DYSF: variants seen among roughly 807,000 people sequenced by gnomAD.
DYSF encodes the protein dysferlin.
DYSF carries 212 observed loss-of-function variants against 274.9 expected under a neutral mutation model. The ratio of observed to expected loss-of-function variants is 0.77; its 90% CI spans 0.69 to 0.86. The LOEUF (loss-of-function observed/expected upper bound fraction) is 0.86, where lower values mean the gene tolerates loss of function less well. Among genes scored for constraint, DYSF ranks in the 40% least tolerant of loss-of-function variants. The pLI is 0.00. For missense variants in DYSF, 2,666 were observed against 2,783.2 expected, an observed-to-expected ratio of 0.96 and a Z score of 0.95; for synonymous variants, 1,091 against 1,078.7, an observed-to-expected ratio of 1.01 and a Z score of -0.22.
Position 71,520,187 on chromosome 2 carries a change from G to A in DYSF, c.1012G>A (p.Gly338Ser), listed in dbSNP as rs757744905. Residue 338 changes from glycine to serine, a missense_variant, in exon 11 of 56, where the codon GGC becomes AGC. Around this residue, in one of 3 missense-constraint regions of DYSF, gnomAD observed 794 missense variants for 777.1 expected, o/e 1.02. Coordinates refer to ENST00000410020, the MANE Select transcript of DYSF (RefSeq NM_001130987.2). ...CTCTCATTGATTGCAGATGGACGTG[G>A]GCACCATTTACAGAGAGCCCCGTGA... ...ALLGEFRMDV[G>S]TIYREPRHAY... is the part of the protein sequence containing the mutation. 1 of 1,614,168 alleles carries A rather than the reference G, an allele frequency of 6.2e-7. No individual in the cohort carries two copies. Among genetic ancestry groups the A allele is most frequent in the East Asian group, 2.2e-5 (1 of 44,882 alleles).
chr2:71,570,543 C>G (rs2092357136), intron 28 of DYSF, 56 bp from the exon 29 acceptor site: 1 of 1,603,040 alleles, frequency 6.2e-7, no homozygotes, highest in Middle Eastern at 1.8e-4. Context: ...AGAGATGGTC[C>G]CAGGAGAGAT....
intron 42 of DYSF, among the ~76,000 whole-genome samples, chr2:71,646,325 C>T (rs2094567125): frequency 2.6e-5 from 4 of 152,202 alleles, no homozygotes; most frequent in African/African-American, 7.2e-5. Context: ...CCTGGCCCCT[C>T]GCTGCTCCCT....
rs568408127 is a variant in DYSF, at chr2:71,468,110, T to C, written c.91+1177T>C. 2.6e-5 allele frequency among the ~76,000 whole-genome samples: 4 copies of C among 152,378 alleles called. No homozygotes were observed. In the East Asian group the frequency reaches 7.7e-4, roughly 29 times the overall value. On this transcript the variant is annotated intron_variant, in intron 1 of 55. Coordinates refer to ENST00000410020, the MANE Select transcript of DYSF (RefSeq NM_001130987.2). ...TCACTATTTTCATTGATTGGTGACATGCCTGGGAGTTCACTATGCAAGAGC... is the reference window on the plus strand; with the variant it reads ...TCACTATTTTCATTGATTGGTGACACGCCTGGGAGTTCACTATGCAAGAGC...
rs1553508732 is a variant in DYSF, at chr2:71,481,722, C to CCATCCATCCATCCATCCATCCATT, written c.148-150_148-149insCCATCCATCCATCCATTCATCCAT. On this transcript the variant is annotated intron_variant, in intron 2 of 55. Transcript: ENST00000410020. ...TCCATCCATCCATCCATCCATCCAT[C>CCATCCATCCATCCATCCATCCATT]CATCCATGCTTCCATCCATCCATTG... is the stretch of plus-strand genomic sequence containing the variant. 0.028 allele frequency among the ~76,000 whole-genome samples: 4,287 copies of CCATCCATCCATCCATCCATCCATT among 151,826 alleles called. 84 individuals are homozygous for CCATCCATCCATCCATCCATCCATT. The highest frequency in any genetic ancestry group is 0.08 in the East Asian group (412 of 5,124).
rs189698020 is a variant in DYSF, at chr2:71,612,253, G to A, written c.4222-388G>A. ...TGTGTTCAAAGTGCTTTTGGGGTGT[G>A]TGGGGGGAAGAATCTGGGTCTGTAA... On this transcript the variant is annotated intron_variant, in intron 38 of 55. Transcript: ENST00000410020. Among the ~76,000 whole-genome samples, 15 of 152,306 alleles carry A rather than the reference G, an allele frequency of 9.8e-5. No individual in the cohort carries two copies. In the East Asian group the frequency reaches 2.9e-3, roughly 29 times the overall value.
At chr2:71,669,542 A>G (rs1338942995) in intron 50 of DYSF, 63 bp from the exon 51 acceptor site, 1 of 1,602,588 alleles carries the variant, frequency 6.2e-7, no homozygotes, top group Non-Finnish European at 8.5e-7. Flanking sequence ...GCCTAAGTTG[A>G]CGATGTATAT....
Position 71,620,607 on chromosome 2 carries a change from C to T in DYSF, c.4525C>T (p.His1509Tyr). 1 of 1,545,584 alleles carries T rather than the reference C, an allele frequency of 6.5e-7. No homozygotes were observed. Among genetic ancestry groups the T allele is most frequent in the Non-Finnish European group, 8.7e-7 (1 of 1,143,638 alleles). The change falls in exon 41 of 56, where the codon CAT (histidine) becomes TAT (tyrosine). Residue 1509 changes from histidine (H) to tyrosine (Y), a missense_variant and splice_region_variant. Coordinates refer to ENST00000410020, the MANE Select transcript of DYSF (RefSeq NM_001130987.2). ...CACGGCTTCTCCTCCATCCAGTCCT[C>T]ATGTATGTACTGTTTACTTATTTGT... is the stretch of plus-strand genomic sequence containing the variant. ...TNTASPPSSP[H>Y]EEEFIDWWSK...
chr2:71,558,476 G>C (rs1320913263), intron 22 of DYSF, among the ~76,000 whole-genome samples: 1 of 152,226 alleles, frequency 6.6e-6, no homozygotes, highest in Non-Finnish European at 1.5e-5. Flanking sequence ...CCTGCAAGGT[G>C]ACTCATGGTG....
chr2:71,466,916 C>G lies in DYSF; in HGVS notation c.74C>G (p.Ala25Gly). The change falls in exon 1 of 56, where the codon GCA becomes GGA. Residue 25 changes from alanine to glycine, a missense_variant. Ala to Gly is a moderately conservative substitution (Grantham distance 60, BLOSUM62 0). Coordinates refer to ENST00000410020, the MANE Select transcript of DYSF (RefSeq NM_001130987.2). ...AAGGACCGGCGCAGCGACCCTGTCG[C>G]AAGCCTGACTTTCCGAGGTGAGAGC... is the stretch of plus-strand genomic sequence containing the variant. ...AKKDRRSDPV[A>G]SLTFRGVKKR... 6.5e-7 allele frequency: 1 copy of G among 1,550,106 alleles called. No individual in the cohort carries two copies. Among genetic ancestry groups the G allele is most frequent in the Non-Finnish European group, 8.7e-7 (1 of 1,145,908 alleles).
At position 71,665,195 on chromosome 2, in the gene DYSF, C is replaced by T. The variant is rs752860060; in HGVS notation, c.5208C>T (p.Arg1736=). Residue 1736 remains arginine (R), a synonymous_variant, in exon 47 of 56, where the codon CGC becomes CGT. Transcript: ENST00000410020. ...CGAACCAGTGGCGGGACCAGCTCCG[C>T]CCCTCCCAGCTCCTCCACCTCTTCT... ...SGPNQWRDQL[R]PSQLLHLFCQ... is the part of the protein sequence containing the mutation. 1.9e-6 allele frequency: 3 copies of T among 1,613,880 alleles called. No homozygotes were observed. Among genetic ancestry groups the T allele is most frequent in the East Asian group, 2.2e-5 (1 of 44,860 alleles).
intron 13 of DYSF, among the ~76,000 whole-genome samples, chr2:71,527,109 C>T (rs561152177): frequency 6.6e-6 from 1 of 152,302 alleles, no homozygotes; most frequent in South Asian, 2.1e-4. Context: ...TCAAAACGGT[C>T]CAAATGCCGG....
rs118039373 is a variant in DYSF, at chr2:71,670,947, G to A, written c.5784+1201G>A. On this transcript the variant is annotated intron_variant, in intron 51 of 55. Transcript: ENST00000410020. The stretch of plus-strand genomic sequence containing the variant: ...TCTGGCATCTAGATTCTGCTGGCCC[G>A]ATTTCCTTCCAGAGGTGGCTCAAGG... 9.2e-4 allele frequency among the ~76,000 whole-genome samples: 140 copies of A among 152,198 alleles called. 3 individuals are homozygous for A. The East Asian group carries it at 0.011, about 12-fold the overall frequency.
At chr2:71,586,512 C>T (rs923609419) in intron 30 of DYSF, among the ~76,000 whole-genome samples, 1 of 151,940 alleles carries the variant, frequency 6.6e-6, no homozygotes, top group African/African-American at 2.4e-5. Flanking sequence ...AGCGTTGGTT[C>T]CTCCCCCTGC....
intron 32 of DYSF, among the ~76,000 whole-genome samples, chr2:71,591,111 A>T (rs1558558044): frequency 6.6e-6 from 1 of 152,124 alleles, no homozygotes; most frequent in East Asian, 1.9e-4. Context: ...ATTGCCCTCT[A>T]TCCAGTAGCT....
At chr2:71,614,803 C>G (rs540957717) in intron 40 of DYSF, among the ~76,000 whole-genome samples, 1 of 152,316 alleles carries the variant, frequency 6.6e-6, no homozygotes, top group East Asian at 1.9e-4. Context: ...GACGAATTTT[C>G]TGGCTACTGT....
At chr2:71,485,306 A>G (rs375993297) in intron 3 of DYSF, among the ~76,000 whole-genome samples, 1 of 152,200 alleles carries the variant, frequency 6.6e-6, no homozygotes, top group South Asian at 2.1e-4. Flanking sequence ...CTGTAATCCC[A>G]GCACTTTGGG....
intron 17 of DYSF, among the ~76,000 whole-genome samples, chr2:71,550,133 C>T (rs1471408098): frequency 1.3e-5 from 2 of 152,230 alleles, no homozygotes; most frequent in East Asian, 3.8e-4. Flanking sequence ...TGGGTCGTTC[C>T]AGAGGGTTCC....
chr2:71,541,414 T>A (rs1234554174), intron 17 of DYSF, among the ~76,000 whole-genome samples: 1 of 152,202 alleles, frequency 6.6e-6, no homozygotes, highest in Non-Finnish European at 1.5e-5. Flanking sequence ...ATAATTTATT[T>A]ACATAGTGTT....
chr2:71,555,599 T>TG (rs1005516134), intron 21 of DYSF, among the ~76,000 whole-genome samples: 1 of 151,956 alleles, frequency 6.6e-6, no homozygotes, highest in Non-Finnish European at 1.5e-5. Flanking sequence ...GGGTTCCAGG[T>TG]GGGGAACCAG....
Sources: allele counts gnomAD v4.1 joint callset (sites outside exome capture counted in the v4.1 genomes callset), GRCh38; gene constraint gnomAD v4.1.1; regional missense constraint gnomAD v4.1.1; transcripts MANE v1.5; gene names NCBI Gene and HGNC (gene_info 2026-07-23, HGNC 2026-07-21).